Variants in SPAG9 observed in about 807,000 individuals in gnomAD.
SPAG9 encodes the protein sperm associated antigen 9, also known as C-Jun-amino-terminal kinase-interacting protein 4.
A neutral mutation model predicts 166.5 loss-of-function variants in SPAG9; 35 were observed. The observed-to-expected ratio is 0.21, with a 90% confidence interval of 0.16 to 0.28. SPAG9 has a LOEUF of 0.28. SPAG9 is among the 10% of genes least tolerant of loss of function. The pLI, the probability that SPAG9 is intolerant of heterozygous loss-of-function variation, is 1.00. For missense variants in SPAG9, 1,235 were observed against 1,603.3 expected, an observed-to-expected ratio of 0.77 and a Z score of 3.92; for synonymous variants, 534 against 565.5, an observed-to-expected ratio of 0.94 and a Z score of 0.79.
chr17:51,068,902 T>C (rs1300826980), intron 2 of SPAG9, among the ~76,000 whole-genome samples: 4 of 152,054 alleles, frequency 2.6e-5, no homozygotes, highest in African/African-American at 9.7e-5. Context: ...TAATAAAACA[T>C]AAAACAGCTA....
At chr17:51,085,612 A>G (rs1235383178) in intron 1 of SPAG9, 1 of 152,256 alleles carries the variant, frequency 6.6e-6, no homozygotes, top group Non-Finnish European at 1.5e-5. Flanking sequence ...TACGAGCAAT[A>G]ATAAAAATAT....
intron 27 of SPAG9, chr17:50,975,381 A>G (rs1040677319): frequency 9.9e-6 from 2 of 202,652 alleles, no homozygotes; most frequent in Non-Finnish European, 2.0e-5. Context: ...CCCTCACAGT[A>G]AGAATATTTC....
chr17:50,966,137 A>G lies in SPAG9; in HGVS notation c.*135T>C. 2.9e-6 allele frequency: 2 copies of G among 686,006 alleles called. No individual in the cohort carries two copies. Among genetic ancestry groups the G allele is most frequent in the South Asian group, 3.3e-5 (2 of 59,820 alleles). The allele number at this position is 686,006 out of a possible 1,614,324, so 42.5% of individuals were successfully genotyped here. Reference sequence around the variant, plus strand: ...TATGGTAGAACGGATTTTGTAATATAAAGTTAACAGGAAAAAATGCTCACA... The same window carrying G: ...TATGGTAGAACGGATTTTGTAATATGAAGTTAACAGGAAAAAATGCTCACA... On this transcript the variant is annotated 3_prime_UTR_variant, in exon 30 of 30. Coordinates refer to ENST00000262013, the MANE Select transcript of SPAG9 (RefSeq NM_001130528.3).
chr17:51,093,069 T>TAAAAA (rs533198690), intron 1 of SPAG9, among the ~76,000 whole-genome samples: 2 of 101,156 alleles, frequency 2.0e-5, no homozygotes, highest in African/African-American at 3.7e-5. Context: ...GATATTTCTG[T>TAAAAA]AAAAAAAAAA....
intron 2 of SPAG9, 75 bp from the exon 3 acceptor site, chr17:51,056,557 A>C: frequency 1.1e-6 from 1 of 910,286 alleles, no homozygotes; most frequent in Non-Finnish European, 1.8e-6. Flanking sequence ...TAGACTCAGA[A>C]TGGGCTATCC....
chr17:50,976,447 C>T (rs1974213345), intron 27 of SPAG9, among the ~76,000 whole-genome samples: 1 of 152,116 alleles, frequency 6.6e-6, no homozygotes, highest in African/African-American at 2.4e-5. Context: ...CTTTCTCCCT[C>T]CTCTGGCCTG....
At chr17:51,077,005 G>GCTAGCTAGCTATCTAGCTAT (rs2047997005) in intron 2 of SPAG9, among the ~76,000 whole-genome samples, 4 of 92,600 alleles carry the variant, frequency 4.3e-5, no homozygotes, top group East Asian at 3.2e-4. Flanking sequence ...TAGCTATCTA[G>GCTAGCTAGCTATCTAGCTAT]CTAGCTAGCT....
intron 2 of SPAG9, among the ~76,000 whole-genome samples, chr17:51,066,887 T>C (rs1189801177): frequency 6.7e-6 from 1 of 149,564 alleles, no homozygotes; most frequent in Non-Finnish European, 1.5e-5. Context: ...CAAGAGTCCA[T>C]CTCAAAAAAA....
chr17:50,990,661 T>G lies in SPAG9; in HGVS notation c.2406A>C (p.Arg802=), dbSNP rs1975467137. 1 of 1,613,612 alleles carries G rather than the reference T, an allele frequency of 6.2e-7. No individual in the cohort carries two copies. The highest frequency in any genetic ancestry group is 1.7e-5 in the Admixed American group (1 of 59,992). The change falls in exon 20 of 30, where the codon CGA becomes CGC. Residue 802 remains arginine (R), a synonymous_variant. Transcript: ENST00000262013. The stretch of plus-strand genomic sequence containing the variant: ...CTTCTCCTGCAGGGTAGTCTGTTTC[T>G]CGTGCACCTGAAAAATAAATCTTCT... ...VLCIASVPGA[R]ETDYPAGEDL...
intron 7 of SPAG9, among the ~76,000 whole-genome samples, chr17:51,020,600 C>T (rs1315624303): frequency 6.6e-6 from 1 of 152,170 alleles, no homozygotes; most frequent in Non-Finnish European, 1.5e-5. Flanking sequence ...GAACTGTCCT[C>T]CCGTCTTTTG....
At chr17:51,095,974 GAT>G (rs372902683) in intron 1 of SPAG9, among the ~76,000 whole-genome samples, 18,541 of 83,874 alleles carry the variant, frequency 0.22, 3,501 homozygotes, top group African/African-American at 0.45. Context: ...TATATATAGT[GAT>G]ATATATATAT....
intron 24 of SPAG9, among the ~76,000 whole-genome samples, chr17:50,983,440 T>C (rs1974800122): frequency 6.6e-6 from 1 of 152,242 alleles, no homozygotes; most frequent in Admixed American, 6.5e-5. Context: ...GTTTTGTTGA[T>C]GTCCATTGAA....
chr17:51,070,527 G>C (rs1234549446), intron 2 of SPAG9, among the ~76,000 whole-genome samples: 1 of 152,134 alleles, frequency 6.6e-6, no homozygotes, highest in African/African-American at 2.4e-5. Flanking sequence ...ACTGCAATAT[G>C]ATTCAGTATA....
intron 6 of SPAG9, chr17:51,023,219 TTA>T (rs2046012006): frequency 6.8e-6 from 1 of 147,910 alleles, no homozygotes; most frequent in South Asian, 2.1e-4. Context: ...AAATACATAA[TTA>T]TATATTTTTA....
At chr17:51,051,461 T>C (rs1343639853) in intron 3 of SPAG9, among the ~76,000 whole-genome samples, 2 of 152,048 alleles carry the variant, frequency 1.3e-5, no homozygotes, top group East Asian at 1.9e-4. Context: ...GGCTCACACA[T>C]GTAATCCCAG....
chr17:51,054,544 C>G (rs527584803), intron 3 of SPAG9, among the ~76,000 whole-genome samples: 1 of 152,028 alleles, frequency 6.6e-6, no homozygotes, highest in African/African-American at 2.4e-5. Flanking sequence ...TCACACCATT[C>G]TCCTGCCTCA....
intron 3 of SPAG9, among the ~76,000 whole-genome samples, chr17:51,050,719 G>A (rs1210419544): frequency 6.7e-6 from 1 of 150,304 alleles, no homozygotes. Context: ...GTATCACTCA[G>A]GTTAAAAAAA....
intron 6 of SPAG9, among the ~76,000 whole-genome samples, chr17:51,025,764 C>T (rs187843452): frequency 9.2e-5 from 14 of 152,080 alleles, no homozygotes; most frequent in Admixed American, 1.3e-4. Flanking sequence ...TGGTGGTGCA[C>T]GCCTGTAGTT....
chr17:51,047,564 TC>T (rs1280754005), intron 3 of SPAG9, 95 bp from the exon 4 acceptor site: 2 of 568,908 alleles, frequency 3.5e-6, no homozygotes, highest in Non-Finnish European at 5.9e-6. Flanking sequence ...GGTACAATTT[TC>T]TTATCTATCA....
Sources: gnomAD v4.1 joint callset for allele counts (sites outside exome capture counted in the v4.1 genomes callset) on GRCh38, gnomAD v4.1.1 for gene constraint, MANE v1.5 for transcripts, NCBI Gene and HGNC (gene_info 2026-07-23, HGNC 2026-07-21) for gene names.